Variants in MYH2 observed in about 807,000 individuals in gnomAD.
MYH2 encodes myosin heavy chain 2.
MYH2 carries 139 observed loss-of-function variants against 228.1 expected under a neutral mutation model. That is an observed-to-expected ratio of 0.61 (90% CI 0.53 to 0.70). The LOEUF (loss-of-function observed/expected upper bound fraction) is 0.70, where lower values mean the gene tolerates loss of function less well. Among genes scored for constraint, MYH2 ranks in the 30% least tolerant of loss-of-function variants. The pLI is 0.00. For missense variants in MYH2, 1,809 were observed against 2,357.5 expected, an observed-to-expected ratio of 0.77 and a Z score of 4.82; for synonymous variants, 796 against 871.1, an observed-to-expected ratio of 0.91 and a Z score of 1.52.
chr17:10,526,557 A>G, intron 30 of MYH2, 42 bp downstream of exon 30: 1 of 1,612,432 alleles, frequency 6.2e-7, no homozygotes, highest in East Asian at 2.2e-5. Context: ...CTGATTCAAT[A>G]TGCAAAGTTT....
chr17:10,530,533 A>ATTT lies in MYH2; in HGVS notation c.2698-462_2698-460dup, dbSNP rs374060378. On this transcript the variant is annotated intron_variant, in intron 22 of 39. Transcript: ENST00000245503. ...CAAATTCAAGATACAGCTGCTACTGATTTTTTTTTTTTGTAGTACTGGAGG... is the reference window on the plus strand; with the variant it reads ...CAAATTCAAGATACAGCTGCTACTGATTTTTTTTTTTTTTTGTAGTACTGGAGG... Among the ~76,000 whole-genome samples, 546 of 148,902 alleles carry ATTT rather than the reference A, an allele frequency of 3.7e-3. 1 individual carries two copies. The highest frequency in any genetic ancestry group is 0.01 in the East Asian group (51 of 5,098).
At position 10,524,356 on chromosome 17, in the gene MYH2, A is replaced by C; in HGVS notation, c.5175+110T>G. On this transcript the variant is annotated intron_variant, in intron 35 of 39. Transcript: ENST00000245503. This position sits in a 1 kb window ranked among gnomAD's most constrained non-coding sequence, Gnocchi z 4.7. ...AGAATTACTATTCTGTATTATTTGA[A>C]AAGAAAATTTGATAGACATATTAGG... 7.6e-6 allele frequency: 11 copies of C among 1,440,986 alleles called. No homozygotes were observed. Among genetic ancestry groups the C allele is most frequent in the Non-Finnish European group, 1.1e-5 (11 of 1,027,794 alleles). 89.3% of individuals were successfully genotyped at this position (1,440,986 alleles called of 1,614,324 possible).
At chr17:10,540,359 C>CAAAAA (rs56139789) in intron 11 of MYH2, among the ~76,000 whole-genome samples, 3 of 149,192 alleles carry the variant, frequency 2.0e-5, no homozygotes, top group Non-Finnish European at 4.4e-5. Flanking sequence ...AAGTCAATTG[C>CAAAAA]AAAAAAAAAA....
At chr17:10,527,909 C>T in intron 27 of MYH2, 35 bp from the exon 28 acceptor site, 1 of 1,606,068 alleles carries the variant, frequency 6.2e-7, no homozygotes, top group South Asian at 1.1e-5. Flanking sequence ...AAAACAGAGA[C>T]CTTTTAAGCG....
At position 10,539,292 on chromosome 17, in the gene MYH2, A is replaced by G. The variant is rs2142313134; in HGVS notation, c.1329T>C (p.Val443=). 6.2e-7 allele frequency: 1 copy of G among 1,614,196 alleles called. No homozygotes were observed. Among genetic ancestry groups the G allele is most frequent in the Non-Finnish European group, 8.5e-7 (1 of 1,180,028 alleles). ...TGTCCAGCTGCTGGTTGATGCGGGC[A>G]ACCATCCACAGGAACATCTTCTCGT... The part of the protein sequence containing the change: ...AVYEKMFLWM[V]ARINQQLDTK... Residue 443 remains valine, a synonymous_variant, in exon 14 of 40, where the codon GTT becomes GTC. Transcript: ENST00000245503.
At chr17:10,545,299 T>C (rs1334250717) in intron 5 of MYH2, 47 bp downstream of exon 5, 1 of 1,611,984 alleles carries the variant, frequency 6.2e-7, no homozygotes, top group South Asian at 1.1e-5. Context: ...TCTCCTATGG[T>C]TCTGCTCTAA....
chr17:10,527,438 T>C (rs140750665), intron 28 of MYH2, among the ~76,000 whole-genome samples: 6 of 152,326 alleles, frequency 3.9e-5, no homozygotes, highest in Admixed American at 1.3e-4. Context: ...TTGACCCTCA[T>C]ATAAATAAAG....
In MYH2 at chr17:10,521,416, G is replaced by T; in HGVS notation, c.5690C>A (p.Thr1897Asn). The part of the protein sequence containing the change: ...QAEEAEEQSN[T>N]NLAKFRKLQH... ...GAGCTTGCGGAATTTAGCTAGATTG[G>T]TGTTGGATTGTTCCTCCTGAGAATA... The change falls in exon 40 of 40, where the codon ACC becomes AAC. Residue 1897 changes from threonine (T) to asparagine (N), a missense_variant. Thr to Asn is a moderately conservative substitution (Grantham distance 65). Around this residue, in one of 9 missense-constraint regions of MYH2, gnomAD observed 278 missense variants for 308.5 expected, o/e 0.90. Coordinates refer to ENST00000245503, the MANE Select transcript of MYH2 (RefSeq NM_017534.6). 6.2e-7 allele frequency: 1 copy of T among 1,614,104 alleles called. No homozygotes were observed. Among genetic ancestry groups the T allele is most frequent in the Admixed American group, 1.7e-5 (1 of 60,024 alleles).
rs530498082 is a variant in MYH2 at position 10,524,859 on chromosome 17, C to T, written c.4869G>A (p.Lys1623=). ...CCATTTCATTGAGGTCTCCCTCCAT[C>T]TTCTTCTTGAGCCTAATGGCATCAT... ...SRNDAIRLKK[K]MEGDLNEMEI... is the part of the protein sequence containing the mutation. Residue 1623 remains lysine, a synonymous_variant, in exon 34 of 40, where the codon AAG becomes AAA. Transcript: ENST00000245503. The surrounding 1 kb of genome is among the most constrained non-coding windows in gnomAD (Gnocchi z 4.7). 1 of 1,614,110 alleles carries T rather than the reference C, an allele frequency of 6.2e-7. No homozygotes were observed. The highest frequency in any genetic ancestry group is 8.5e-7 in the Non-Finnish European group (1 of 1,180,034).
At chr17:10,533,217 T>G in intron 21 of MYH2, 68 bp downstream of exon 21, 1 of 1,601,940 alleles carries the variant, frequency 6.2e-7, no homozygotes, top group Non-Finnish European at 8.5e-7. Flanking sequence ...ATAAGCTGAG[T>G]CTTAACTGTA....
Position 10,537,387 on chromosome 17 carries a change from A to G in MYH2, c.1743T>C (p.Ala581=), listed in dbSNP as rs749938068. 6.2e-7 allele frequency: 1 copy of G among 1,614,130 alleles called. No homozygotes were observed. Residue 581 remains alanine (A), a synonymous_variant, in exon 16 of 40, where the codon GCT becomes GCC. Transcript: ENST00000245503. This position sits in a 1 kb window ranked among gnomAD's most constrained non-coding sequence, Gnocchi z 4.0. Reference sequence around the variant, plus strand: ...CCACAACACCAGCATAGTGAATCAGAGCGAAGTGGGCCTCGGCCTTGCCTT... The same window carrying G: ...CCACAACACCAGCATAGTGAATCAGGGCGAAGTGGGCCTCGGCCTTGCCTT... The part of the protein sequence containing the change: ...VVKGKAEAHF[A]LIHYAGVVDY...
chr17:10,523,271 C>A (rs750909069), intron 38 of MYH2, 37 bp downstream of exon 38: 1 of 1,611,142 alleles, frequency 6.2e-7, no homozygotes, highest in Admixed American at 1.7e-5. Context: ...ACATAAACTT[C>A]GACCAGTGCT....
At position 10,529,966 on chromosome 17, in the gene MYH2, C is replaced by T. The variant is rs1373237213; in HGVS notation, c.2806G>A (p.Glu936Lys). 6.2e-7 allele frequency: 1 copy of T among 1,613,940 alleles called. No individual in the cohort carries two copies. Among genetic ancestry groups the T allele is most frequent in the African/African-American group, 1.3e-5 (1 of 74,884 alleles). The change falls in exon 23 of 40, where the codon GAA (glutamate) becomes AAA (lysine). Residue 936 changes from glutamate (E) to lysine (K), a missense_variant. Physicochemically the swap from Glu to Lys is moderately conservative, Grantham distance 56 (BLOSUM62 1). Around this residue, in one of 9 missense-constraint regions of MYH2, gnomAD observed 43 missense variants for 89.2 expected, o/e 0.48. Coordinates refer to ENST00000245503, the MANE Select transcript of MYH2 (RefSeq NM_017534.6). ...KEVTERAEDEEEINAELTAKK... is the reference protein window; with the variant it reads ...KEVTERAEDEKEINAELTAKK... ...GCTGTCAGCTCAGCATTGATCTCTT[C>T]CTCATCCTCAGCTCTCTCAGTCACC...
chr17:10,537,063 C>T lies in MYH2; in HGVS notation c.1897+170G>A, dbSNP rs12953213. Among the ~76,000 whole-genome samples, 9,073 of 152,278 alleles carry T rather than the reference C, an allele frequency of 0.06. 291 individuals carry two copies. Among genetic ancestry groups the T allele is most frequent in the South Asian group, 0.12 (596 of 4,820 alleles). ...GACTCTGCAATAGGGCTCCTGTCAG[C>T]AGTGGAGTGAGCCACAAATGTATAA... On this transcript the variant is annotated intron_variant, in intron 16 of 39. Coordinates refer to ENST00000245503, the MANE Select transcript of MYH2 (RefSeq NM_017534.6). The surrounding 1 kb of genome is among the most constrained non-coding windows in gnomAD (Gnocchi z 4.0).
intron 28 of MYH2, 80 bp downstream of exon 28, chr17:10,527,668 C>A: frequency 6.2e-7 from 1 of 1,603,526 alleles, no homozygotes; most frequent in Non-Finnish European, 8.5e-7. Flanking sequence ...TTTTATTAGG[C>A]TCCCACTTCA....
Position 10,540,587 on chromosome 17 carries a change from T to A in MYH2, c.1008+7A>T. 6.3e-7 allele frequency: 1 copy of A among 1,593,632 alleles called. No homozygotes were observed. The highest frequency in any genetic ancestry group is 8.6e-7 in the Non-Finnish European group (1 of 1,161,310). On this transcript the variant is annotated splice_region_variant and intron_variant, in intron 11 of 39. Coordinates refer to ENST00000245503, the MANE Select transcript of MYH2 (RefSeq NM_017534.6). ...TAATAATTCCAATTTTCTTGTGTTCTACTTACATCTGTGGCCATCAGTTCT... is the reference window on the plus strand; with the variant it reads ...TAATAATTCCAATTTTCTTGTGTTCAACTTACATCTGTGGCCATCAGTTCT...
rs368518377 is a variant in MYH2, at chr17:10,539,595, G to C, written c.1148-33C>G. 3.8e-6 allele frequency: 6 copies of C among 1,577,550 alleles called. No homozygotes were observed. The African/African-American group carries it at 5.4e-5, about 14-fold the overall frequency. On this transcript the variant is annotated intron_variant, in intron 12 of 39. Coordinates refer to ENST00000245503, the MANE Select transcript of MYH2 (RefSeq NM_017534.6). ...GAAGAAAGAGTAGAACAATGTTATT[G>C]TGGCCCAAAGAAACCCACTTCCTTA... is the stretch of plus-strand genomic sequence containing the variant.
At chr17:10,533,191 C>A in intron 21 of MYH2, 94 bp downstream of exon 21, 4 of 1,550,190 alleles carry the variant, frequency 2.6e-6, no homozygotes, top group Non-Finnish European at 3.6e-6. Context: ...TTCATTTCTT[C>A]TTTAGTGTCC....
rs144350778 is a variant in MYH2, at chr17:10,541,316, G to A, written c.905-619C>T. Among the ~76,000 whole-genome samples, 308 of 152,272 alleles carry A rather than the reference G, an allele frequency of 2.0e-3. 2 individuals are homozygous for A. The highest frequency in any genetic ancestry group is 6.9e-3 in the African/African-American group (288 of 41,562). ...GGAACAGCCCTGAGAAAGAGTATGC[G>A]TTCCTAGGGGGAGGTCTCTAAAATG... On this transcript the variant is annotated intron_variant, in intron 10 of 39. Transcript: ENST00000245503.
Sources: allele counts gnomAD v4.1 joint callset (sites outside exome capture counted in the v4.1 genomes callset), GRCh38; gene constraint gnomAD v4.1.1; regional missense constraint gnomAD v4.1.1; non-coding constraint Gnocchi (gnomAD v3.1); transcripts MANE v1.5; gene names NCBI Gene and HGNC (gene_info 2026-07-23, HGNC 2026-07-21).